The following TNS3 variants were observed in gnomAD, a reference collection of about 807,000 sequenced individuals.
TNS3 encodes the protein tensin-3.
In TNS3, 45 loss-of-function variants were observed where a neutral mutation model predicts 140.9. That is an observed-to-expected ratio of 0.32 (90% CI 0.25 to 0.41). The LOEUF is 0.41. Among genes scored for constraint, TNS3 ranks in the 10% least tolerant of loss-of-function variants. The pLI, the probability that TNS3 is intolerant of heterozygous loss-of-function variation, is 1.00. For missense variants in TNS3, 1,716 were observed against 1,906.7 expected (o/e 0.90, Z 1.86); for synonymous variants, 815 against 788.4 (o/e 1.03, Z -0.56).
intron 20 of TNS3, among the ~76,000 whole-genome samples, chr7:47,305,436 G>A (rs1786691852): frequency 1.3e-5 from 2 of 152,208 alleles, no homozygotes; most frequent in African/African-American, 4.8e-5. Flanking sequence ...ACCAGCAGGC[G>A]ACTTCTCCCA....
intron 2 of TNS3, 82 bp from the exon 3 acceptor site, chr7:47,507,026 C>T: frequency 1.7e-6 from 2 of 1,161,432 alleles, no homozygotes; most frequent in Admixed American, 2.5e-5. Context: ...CCTCTCAATC[C>T]TTCAGAGTCT....
At position 47,369,534 on chromosome 7, in the gene TNS3, G is replaced by A. The variant is rs1368430037; in HGVS notation, c.1112C>T (p.Pro371Leu). ...SSSDPGIPGGPQAIPATNSPD... is the reference protein window; with the variant it reads ...SSSDPGIPGGLQAIPATNSPD... ...GCTGTTGGTGGCCGGGATTGCCTGGGGGCCACCTGGGATGCCAGGATCCGA... is the reference window on the plus strand; with the variant it reads ...GCTGTTGGTGGCCGGGATTGCCTGGAGGCCACCTGGGATGCCAGGATCCGA... Residue 371 changes from proline to leucine, a missense_variant, in exon 17 of 31, where the codon CCC becomes CTC. By Grantham distance (98) the Pro-to-Leu change is moderately conservative (BLOSUM62 -3). Coordinates refer to ENST00000311160, the MANE Select transcript of TNS3 (RefSeq NM_022748.12). 6.2e-6 allele frequency: 10 copies of A among 1,613,566 alleles called. No homozygotes were observed. Among genetic ancestry groups the A allele is most frequent in the Non-Finnish European group, 8.5e-6 (10 of 1,179,766 alleles).
intron 4 of TNS3, among the ~76,000 whole-genome samples, chr7:47,479,498 C>A (rs1281407409): frequency 6.7e-6 from 1 of 149,844 alleles, no homozygotes; most frequent in Non-Finnish European, 1.5e-5. Context: ...ACCCCCCCGT[C>A]GGCGGTGAGT....
chr7:47,305,711 A>C lies in TNS3; in HGVS notation c.2651-708T>G, dbSNP rs529005247. Among the ~76,000 whole-genome samples the C allele has an allele frequency of 7.9e-4, 121 of 152,328 alleles. 1 individual carries two copies. Among genetic ancestry groups the C allele is most frequent in the African/African-American group, 2.3e-3 (94 of 41,580 alleles). ...GAGCCCAGGCACATTCCTCTGACAG[A>C]ATTTCTGTTTGGTTTCTTGCCCAGC... On this transcript the variant is annotated intron_variant, in intron 20 of 30. Transcript: ENST00000311160.
chr7:47,306,220 C>T (rs1332410950), intron 20 of TNS3, among the ~76,000 whole-genome samples: 7 of 152,106 alleles, frequency 4.6e-5, no homozygotes, highest in Non-Finnish European at 1.5e-5. Context: ...ATCCAGGTGC[C>T]AATGAGCACT....
intron 13 of TNS3, among the ~76,000 whole-genome samples, chr7:47,409,414 C>A (rs191018768): frequency 6.6e-6 from 1 of 152,082 alleles, no homozygotes; most frequent in East Asian, 1.9e-4. Context: ...TCTTGGTGGG[C>A]GGTAGGGGGG....
chr7:47,574,656 C>T (rs1374940863), intron 1 of TNS3, among the ~76,000 whole-genome samples: 1 of 152,154 alleles, frequency 6.6e-6, no homozygotes, highest in Non-Finnish European at 1.5e-5. Context: ...CACCCCCACA[C>T]ACACGGTATT....
At chr7:47,396,690 A>G (rs987914441) in intron 16 of TNS3, 110 bp downstream of exon 16, 5 of 861,942 alleles carry the variant, frequency 5.8e-6, no homozygotes, top group Admixed American at 3.7e-5. Context: ...CTGAGAAAAC[A>G]GGGGAAATTT....
chr7:47,506,645 CT>C (rs1204116075), intron 3 of TNS3, among the ~76,000 whole-genome samples: 1 of 151,926 alleles, frequency 6.6e-6, no homozygotes, highest in African/African-American at 2.4e-5. Context: ...TGAGAAGGAG[CT>C]GTTGATGTGG....
intron 3 of TNS3, among the ~76,000 whole-genome samples, chr7:47,493,115 C>G (rs185262614): frequency 0.017 from 2,549 of 152,304 alleles, 72 homozygotes; most frequent in African/African-American, 0.058. Flanking sequence ...GGAGGGGATG[C>G]CCAGATCTCG....
chr7:47,425,121 C>T (rs1298275563), intron 9 of TNS3, among the ~76,000 whole-genome samples: 1 of 152,196 alleles, frequency 6.6e-6, no homozygotes, highest in Non-Finnish European at 1.5e-5. Context: ...GAGTTCAAGA[C>T]CAGCCTGGTC....
intron 4 of TNS3, among the ~76,000 whole-genome samples, chr7:47,473,666 G>A (rs1222572178): frequency 6.6e-6 from 1 of 152,134 alleles, no homozygotes; most frequent in African/African-American, 2.4e-5. Flanking sequence ...AGAGACTTGT[G>A]GGAAGCCTTC....
At chr7:47,472,404 G>A (rs1051966025) in intron 4 of TNS3, among the ~76,000 whole-genome samples, 3 of 152,208 alleles carry the variant, frequency 2.0e-5, no homozygotes, top group African/African-American at 7.2e-5. Context: ...GCAAGGCTAG[G>A]TGTCAGTGTC....
At chr7:47,491,035 A>T (rs1797794105) in intron 3 of TNS3, among the ~76,000 whole-genome samples, 1 of 151,994 alleles carries the variant, frequency 6.6e-6, no homozygotes, top group African/African-American at 2.4e-5. Context: ...AGATGAGGAG[A>T]TTTCAGCCGC....
chr7:47,451,363 T>C (rs762355109), intron 4 of TNS3, among the ~76,000 whole-genome samples: 3 of 152,270 alleles, frequency 2.0e-5, no homozygotes, highest in Non-Finnish European at 4.4e-5. Flanking sequence ...ATGGATCACT[T>C]GAGGCCAGGA....
intron 16 of TNS3, among the ~76,000 whole-genome samples, chr7:47,374,004 G>C (rs1452413075): frequency 6.6e-6 from 1 of 152,186 alleles, no homozygotes; most frequent in Non-Finnish European, 1.5e-5. Context: ...AGGCAGCACA[G>C]CCAGGTCCAG....
At chr7:47,293,650 G>C (rs1785837767) in intron 25 of TNS3, 83 bp downstream of exon 25, 1 of 1,209,590 alleles carries the variant, frequency 8.3e-7, no homozygotes, top group Non-Finnish European at 1.2e-6. Context: ...AAGAGTGATA[G>C]TCCCAAATCT....
chr7:47,390,878 C>T (rs945475201), intron 16 of TNS3, among the ~76,000 whole-genome samples: 2 of 152,172 alleles, frequency 1.3e-5, no homozygotes, highest in Non-Finnish European at 2.9e-5. Context: ...GTCCAGAAGC[C>T]CATTCTCTAC....
At chr7:47,535,950 G>A (rs1390047442) in intron 1 of TNS3, among the ~76,000 whole-genome samples, 2 of 152,246 alleles carry the variant, frequency 1.3e-5, no homozygotes, top group African/African-American at 2.4e-5. Flanking sequence ...TAGGCATTCA[G>A]GCACCTGGGA....
Sources: allele counts gnomAD v4.1 joint callset (sites outside exome capture counted in the v4.1 genomes callset), GRCh38; gene constraint gnomAD v4.1.1; transcripts MANE v1.5; gene names NCBI Gene and HGNC (gene_info 2026-07-23, HGNC 2026-07-21).